Variants in CHSY1 observed in about 807,000 individuals in gnomAD.
CHSY1 encodes chondroitin sulfate synthase 1, also known as N-acetylgalactosaminyl-proteoglycan 3-beta-glucuronosyltransferase 1.
Under a neutral mutation model 59.8 loss-of-function variants are expected in CHSY1, and 13 were observed. The observed-to-expected ratio is 0.22, with a 90% confidence interval of 0.14 to 0.35. The LOEUF is 0.35. CHSY1 is among the 10% of genes least tolerant of loss of function. The probability of loss-of-function intolerance (pLI) is 1.00; values close to 1 mark genes in which losing one functional copy is unlikely to be tolerated. For synonymous variants in CHSY1, 459 were observed against 401.2 expected, an observed-to-expected ratio of 1.14 and a Z score of -1.72; for missense variants, 947 against 1,030.6, an observed-to-expected ratio of 0.92 and a Z score of 1.11.
rs1274245665 is a variant in CHSY1 at position 101,176,367 on chromosome 15, T to A, written c.*1021A>T. ...TTTTTCCCCAACGTTTTGATTAGGGTGTATGTGTGTATGTTTCAGTCTGTG... is the reference window on the plus strand; with the variant it reads ...TTTTTCCCCAACGTTTTGATTAGGGAGTATGTGTGTATGTTTCAGTCTGTG... On this transcript the variant is annotated 3_prime_UTR_variant, in exon 3 of 3. Transcript: ENST00000254190. The A allele has an allele frequency of 1.3e-5, 5 of 398,414 alleles. No individual in the cohort carries two copies. In the Admixed American group the frequency reaches 2.2e-4, roughly 18 times the overall value. The allele number at this position is 398,414 out of a possible 1,614,324, so 24.7% of individuals were successfully genotyped here. A position where few individuals can be genotyped will look rare whatever the true frequency, so the allele number is the denominator to read the frequency against.
At chr15:101,194,966 C>T (rs1281185578) in intron 2 of CHSY1, among the ~76,000 whole-genome samples, 1 of 152,160 alleles carries the variant, frequency 6.6e-6, no homozygotes, top group Admixed American at 6.5e-5. Flanking sequence ...AACAGACTGA[C>T]TACAATGAAA....
At chr15:101,187,104 C>G (rs1237791079) in intron 2 of CHSY1, among the ~76,000 whole-genome samples, 3 of 152,208 alleles carry the variant, frequency 2.0e-5, no homozygotes, top group African/African-American at 7.2e-5. Context: ...TCCAACTCCT[C>G]TATAAAATTA....
rs754190079 is a variant in CHSY1, at chr15:101,235,490, T to C, written c.408A>G (p.Leu136=). 3.0e-5 allele frequency: 49 copies of C among 1,613,996 alleles called. No homozygotes were observed. In the South Asian group the frequency reaches 5.2e-4, roughly 17 times the overall value. Residue 136 remains leucine (L), a synonymous_variant, in exon 2 of 3, where the codon CTA becomes CTG. Transcript: ENST00000254190. ...GCGGGTAGGAGTCGTCCACACCCCG[T>C]AGTGGCACTACTGGAATTGGTACAG... ...DTSVPIPVVP[L]RGVDDSYPPQ...
chr15:101,248,856 G>C (rs1324941755), intron 1 of CHSY1, among the ~76,000 whole-genome samples: 2 of 151,904 alleles, frequency 1.3e-5, no homozygotes, highest in Non-Finnish European at 2.9e-5. Flanking sequence ...ACGCAATCTC[G>C]GGTCACAGCA....
Position 101,178,432 on chromosome 15 carries a change from G to A in CHSY1, c.1365C>T (p.Tyr455=), listed in dbSNP as rs753256881. ...AEYILDLLLL[Y]KKHKGKKMTV... is the part of the protein sequence containing the mutation. ...TCATTTTCTTCCCTTTGTGCTTTTT[G>A]TACAGAAGCAGCAGGTCCAGGATGT... Residue 455 remains tyrosine, a synonymous_variant, in exon 3 of 3, where the codon TAC becomes TAT. Coordinates refer to ENST00000254190, the MANE Select transcript of CHSY1 (RefSeq NM_014918.5). 3.7e-6 allele frequency: 6 copies of A among 1,614,074 alleles called. 1 individual carries two copies. In the South Asian group the frequency reaches 6.6e-5, roughly 18 times the overall value.
chr15:101,231,041 A>G (rs2038887660), intron 2 of CHSY1, among the ~76,000 whole-genome samples: 1 of 152,178 alleles, frequency 6.6e-6, no homozygotes, highest in Non-Finnish European at 1.5e-5. Context: ...GTGTGCCCAG[A>G]TAACAATCCT....
In CHSY1 at chr15:101,249,330, GTAAATAATC is replaced by G. The variant is rs1780426623; in HGVS notation, c.320+1798_320+1806del. Among the ~76,000 whole-genome samples the G allele has an allele frequency of 2.0e-5, 3 of 150,434 alleles. No homozygotes were observed. In the South Asian group the frequency reaches 6.3e-4, roughly 31 times the overall value. On this transcript the variant is annotated intron_variant, in intron 1 of 2. Transcript: ENST00000254190. The stretch of plus-strand genomic sequence containing the variant: ...GCGGATTTACTTTCAAAACCATGCT[GTAAATAATC>G]TATATGGCTCATCCTCGATTTCCGA...
At chr15:101,248,199 G>T (rs890407347) in intron 1 of CHSY1, among the ~76,000 whole-genome samples, 42 of 152,184 alleles carry the variant, frequency 2.8e-4, no homozygotes, top group African/African-American at 4.8e-5. Flanking sequence ...ACTGTGCATG[G>T]AATTTCCAAT....
intron 2 of CHSY1, among the ~76,000 whole-genome samples, chr15:101,227,169 C>T (rs1567103062): frequency 1.3e-5 from 2 of 152,164 alleles, no homozygotes; most frequent in East Asian, 1.9e-4. Context: ...GTTTTCTACC[C>T]TAGCCTTGAA....
At chr15:101,246,140 C>T (rs1418606387) in intron 1 of CHSY1, among the ~76,000 whole-genome samples, 1 of 152,198 alleles carries the variant, frequency 6.6e-6, no homozygotes, top group Non-Finnish European at 1.5e-5. Flanking sequence ...TTCCCACAGT[C>T]CCCTACAGAC....
At chr15:101,229,411 A>G (rs2038871484) in intron 2 of CHSY1, among the ~76,000 whole-genome samples, 1 of 152,222 alleles carries the variant, frequency 6.6e-6, no homozygotes, top group African/African-American at 2.4e-5. Flanking sequence ...AGCTGGAGTC[A>G]TCATACTAAT....
rs150051819 is a variant in CHSY1 at position 101,236,089 on chromosome 15, T to C, written c.321-512A>G. Among the ~76,000 whole-genome samples, 11 of 152,146 alleles carry C rather than the reference T, an allele frequency of 7.2e-5. No individual in the cohort carries two copies. In the East Asian group the frequency reaches 1.9e-3, roughly 27 times the overall value. On this transcript the variant is annotated intron_variant, in intron 1 of 2. Transcript: ENST00000254190. ...ACCAGAATAATGAGACTAATGTATA[T>C]ATTATTATGAACTAAGAGAAGTACT...
chr15:101,212,282 C>T (rs1255565575), intron 2 of CHSY1, among the ~76,000 whole-genome samples: 3 of 152,216 alleles, frequency 2.0e-5, no homozygotes, highest in African/African-American at 7.2e-5. Context: ...TAAGTATATA[C>T]CTATCCTCTG....
At chr15:101,230,439 CCT>C (rs1349445448) in intron 2 of CHSY1, among the ~76,000 whole-genome samples, 1 of 152,164 alleles carries the variant, frequency 6.6e-6, no homozygotes, top group Non-Finnish European at 1.5e-5. Flanking sequence ...CATTCAAAAA[CCT>C]CTCATGAGGT....
intron 2 of CHSY1, among the ~76,000 whole-genome samples, chr15:101,228,363 C>T (rs2038861242): frequency 6.6e-6 from 1 of 152,016 alleles, no homozygotes; most frequent in Non-Finnish European, 1.5e-5. Context: ...AAACAAGCCA[C>T]ATAACCAAGA....
rs777115970 is a variant in CHSY1 at position 101,178,074 on chromosome 15, C to A, written c.1723G>T (p.Asp575Tyr). The A allele has an allele frequency of 6.2e-7, 1 of 1,614,134 alleles. No homozygotes were observed. Among genetic ancestry groups the A allele is most frequent in the South Asian group, 1.1e-5 (1 of 91,084 alleles). ...VKLVVLLFNSDSNPDKAKQVE... is the reference protein window; with the variant it reads ...VKLVVLLFNSYSNPDKAKQVE... Reference sequence around the variant, plus strand: ...TGTTTGGCCTTGTCAGGGTTGGAGTCAGAATTGAAAAGCAGAACCACGAGC... The same window carrying A: ...TGTTTGGCCTTGTCAGGGTTGGAGTAAGAATTGAAAAGCAGAACCACGAGC... Residue 575 changes from aspartate to tyrosine, a missense_variant, in exon 3 of 3, where the codon GAC (aspartate) becomes TAC (tyrosine). By Grantham distance (160) the Asp-to-Tyr change is radical. Around this residue, in one of 4 missense-constraint regions of CHSY1, gnomAD observed 602 missense variants for 676.9 expected, o/e 0.89. Transcript: ENST00000254190.
chr15:101,250,771 C>G lies in CHSY1; in HGVS notation c.320+366G>C, dbSNP rs77941919. Among the ~76,000 whole-genome samples the G allele has an allele frequency of 2.0e-3, 304 of 152,336 alleles. 9 individuals carry two copies. In the East Asian group the frequency reaches 0.054, roughly 27 times the overall value. On this transcript the variant is annotated intron_variant, in intron 1 of 2. Coordinates refer to ENST00000254190, the MANE Select transcript of CHSY1 (RefSeq NM_014918.5). Reference sequence around the variant, plus strand: ...GGAATCCAGTATCAGCCCCAACTGCCTCCACTATCAGGTACTGTGCTATGA... The same window carrying G: ...GGAATCCAGTATCAGCCCCAACTGCGTCCACTATCAGGTACTGTGCTATGA...
intron 1 of CHSY1, among the ~76,000 whole-genome samples, chr15:101,240,944 T>C (rs2038995183): frequency 6.6e-6 from 1 of 152,202 alleles, no homozygotes. Context: ...AATATACGGG[T>C]AAGCTTAAAA....
intron 2 of CHSY1, among the ~76,000 whole-genome samples, chr15:101,234,515 A>T (rs1434955482): frequency 6.6e-6 from 1 of 152,218 alleles, no homozygotes; most frequent in Non-Finnish European, 1.5e-5. Flanking sequence ...GACCATCAGC[A>T]ACCCATTATC....
Sources: gnomAD v4.1 joint callset for allele counts (sites outside exome capture counted in the v4.1 genomes callset) on GRCh38, gnomAD v4.1.1 for gene constraint, gnomAD v4.1.1 regional missense constraint, MANE v1.5 for transcripts, NCBI Gene and HGNC (gene_info 2026-07-23, HGNC 2026-07-21) for gene names.